MYO3B: variants seen among roughly 807,000 people sequenced by gnomAD.
MYO3B encodes myosin IIIB.
Under a neutral mutation model 174.6 loss-of-function variants are expected in MYO3B, and 156 were observed. The ratio of observed to expected loss-of-function variants is 0.89; its 90% CI spans 0.78 to 1.02. The LOEUF is 1.02. Ranked by LOEUF, MYO3B falls within the 50% of genes least tolerant of loss-of-function variation. The probability of loss-of-function intolerance (pLI) is 0.00; values close to 1 mark genes in which losing one functional copy is unlikely to be tolerated. For missense variants in MYO3B, 1,632 were observed against 1,639.4 expected (o/e 1.00, Z 0.08); for synonymous variants, 563 against 569.1 (o/e 0.99, Z 0.15).
intron 7 of MYO3B, among the ~76,000 whole-genome samples, chr2:170,304,520 A>G (rs2105452076): frequency 7.0e-6 from 1 of 141,964 alleles, no homozygotes; most frequent in African/African-American, 2.7e-5. Flanking sequence ...GCTGGAGTGC[A>G]GTGGCGTGAC....
chr2:170,636,978 G>GTA (rs1697549965), intron 32 of MYO3B, among the ~76,000 whole-genome samples: 1 of 151,606 alleles, frequency 6.6e-6, no homozygotes, highest in African/African-American at 2.4e-5. Flanking sequence ...GTGTGTGTGT[G>GTA]TGTGTGTGTG....
intron 32 of MYO3B, among the ~76,000 whole-genome samples, chr2:170,590,809 T>C (rs1301096709): frequency 1.3e-5 from 2 of 152,106 alleles, no homozygotes; most frequent in South Asian, 2.1e-4. Context: ...GCCTGGACCA[T>C]GGGTCGTAGT....
intron 32 of MYO3B, among the ~76,000 whole-genome samples, chr2:170,576,651 A>C (rs1692806640): frequency 6.6e-6 from 1 of 152,254 alleles, no homozygotes; most frequent in African/African-American, 2.4e-5. Flanking sequence ...TTGTGTGTAC[A>C]TACTTGCGCA....
chr2:170,304,902 AT>A (rs936580108), intron 7 of MYO3B, among the ~76,000 whole-genome samples: 131 of 147,524 alleles, frequency 8.9e-4, no homozygotes, highest in African/African-American at 2.9e-3. Flanking sequence ...TTTAAGGTTT[AT>A]TTTTTTTTTC....
intron 25 of MYO3B, among the ~76,000 whole-genome samples, chr2:170,480,796 T>C (rs1001394387): frequency 6.6e-6 from 1 of 152,230 alleles, no homozygotes; most frequent in African/African-American, 2.4e-5. Context: ...CATTTGGTCA[T>C]AGAAGTCTTA....
intron 23 of MYO3B, among the ~76,000 whole-genome samples, chr2:170,462,437 A>G (rs72878276): frequency 0.029 from 4,468 of 152,246 alleles, 114 homozygotes; most frequent in East Asian, 0.098. Context: ...CCTTTAGGCA[A>G]GCCTCTTTAT....
intron 32 of MYO3B, among the ~76,000 whole-genome samples, chr2:170,583,154 A>G (rs564521435): frequency 6.9e-6 from 1 of 145,236 alleles, no homozygotes; most frequent in African/African-American, 2.6e-5. Context: ...GTGTGTAACT[A>G]CCCCTTGTCT....
rs568984284 is a variant in MYO3B at position 170,310,655 on chromosome 2, G to A, written c.750-24730G>A. Among the ~76,000 whole-genome samples, 20 of 80,806 alleles carry A rather than the reference G, an allele frequency of 2.5e-4. No homozygotes were observed. The East Asian group carries it at 6.7e-3, about 27-fold the overall frequency. 53.0% of individuals were successfully genotyped at this position (80,806 alleles called of 152,430 possible). A position where few individuals can be genotyped will look rare whatever the true frequency, so the allele number is the denominator to read the frequency against. ...ACTCCAGCCTGGGCGACAAGAGCAA[G>A]ACTCCATCTCAAAAAAAAAAAAAAA... On this transcript the variant is annotated intron_variant, in intron 7 of 34. Coordinates refer to ENST00000408978, the MANE Select transcript of MYO3B (RefSeq NM_138995.5).
At chr2:170,603,115 A>G (rs145001354) in intron 32 of MYO3B, among the ~76,000 whole-genome samples, 1 of 152,190 alleles carries the variant, frequency 6.6e-6, no homozygotes, top group African/African-American at 2.4e-5. Flanking sequence ...AAACCTTCAT[A>G]AACTTTATTT....
intron 7 of MYO3B, among the ~76,000 whole-genome samples, chr2:170,249,403 T>G (rs931404881): frequency 6.6e-6 from 1 of 152,206 alleles, no homozygotes; most frequent in East Asian, 1.9e-4. Flanking sequence ...CCTAACTCTT[T>G]TGGCCTCAGC....
intron 7 of MYO3B, among the ~76,000 whole-genome samples, chr2:170,294,983 A>G (rs1446097579): frequency 6.6e-6 from 1 of 152,042 alleles, no homozygotes; most frequent in Non-Finnish European, 1.5e-5. Flanking sequence ...CACCATGCTG[A>G]TTGTTAATTA....
At chr2:170,387,383 A>C in intron 14 of MYO3B, 75 bp downstream of exon 14, 1 of 1,366,296 alleles carries the variant, frequency 7.3e-7, no homozygotes, top group Non-Finnish European at 1.0e-6. Flanking sequence ...TTAATGGTTC[A>C]GTTTTCATTC....
chr2:170,618,318 G>A lies in MYO3B; in HGVS notation c.3734-33310G>A, dbSNP rs145306523. ...TATGTATAGTTTTTAACAGTCTGTG[G>A]CGTAACAGAGGTAGAAGGATCAGTG... On this transcript the variant is annotated intron_variant, in intron 32 of 34. Transcript: ENST00000408978. Among the ~76,000 whole-genome samples the A allele has an allele frequency of 1.8e-3, 276 of 152,314 alleles. 1 individual carries two copies. The highest frequency in any genetic ancestry group is 5.4e-3 in the Admixed American group (82 of 15,304).
At chr2:170,288,914 A>G (rs1006311251) in intron 7 of MYO3B, among the ~76,000 whole-genome samples, 4 of 152,098 alleles carry the variant, frequency 2.6e-5, no homozygotes, top group African/African-American at 4.8e-5. Flanking sequence ...GGGTTTTTAT[A>G]TAAAGCAATG....
intron 7 of MYO3B, among the ~76,000 whole-genome samples, chr2:170,273,210 G>A (rs2093438013): frequency 6.6e-6 from 1 of 152,140 alleles, no homozygotes; most frequent in Non-Finnish European, 1.5e-5. Flanking sequence ...ATCTCACCCA[G>A]TGACCATGTG....
chr2:170,645,345 G>A (rs1318656671), intron 32 of MYO3B, among the ~76,000 whole-genome samples: 4 of 151,912 alleles, frequency 2.6e-5, no homozygotes, highest in African/African-American at 9.7e-5. Context: ...AGTGGTGGGT[G>A]CCTGTAATCC....
chr2:170,502,749 C>CAG (rs1687357018), intron 28 of MYO3B, among the ~76,000 whole-genome samples: 3 of 152,252 alleles, frequency 2.0e-5, no homozygotes, highest in South Asian at 2.1e-4. Flanking sequence ...GACTCAGCAG[C>CAG]AGAGAGAGTG....
chr2:170,200,186 T>C lies in MYO3B; in HGVS notation c.223T>C (p.Leu75=), dbSNP rs56037828. ...DEEIEAEYNI[L]QFLPNHPNVV... ...AGAAATTGAGGCAGAATACAACATTTTGCAGTTCCTTCCTAATCATCCCAA... is the reference window on the plus strand; with the variant it reads ...AGAAATTGAGGCAGAATACAACATTCTGCAGTTCCTTCCTAATCATCCCAA... Residue 75 remains leucine, a synonymous_variant, in exon 3 of 35, where the codon TTG becomes CTG. Transcript: ENST00000408978. 2,669 of 1,613,474 alleles carry C rather than the reference T, an allele frequency of 1.7e-3. No homozygotes were observed. The highest frequency in any genetic ancestry group is 2.5e-3 in the Admixed American group (151 of 59,910).
chr2:170,213,434 C>T (rs759535913), intron 3 of MYO3B, among the ~76,000 whole-genome samples: 1 of 152,134 alleles, frequency 6.6e-6, no homozygotes, highest in Non-Finnish European at 1.5e-5. Flanking sequence ...GGAAGTTTCA[C>T]AGTGTCTTTT....
Sources: gnomAD v4.1 joint callset for allele counts (sites outside exome capture counted in the v4.1 genomes callset) on GRCh38, gnomAD v4.1.1 for gene constraint, MANE v1.5 for transcripts, NCBI Gene and HGNC (gene_info 2026-07-23, HGNC 2026-07-21) for gene names.